ROCK2: variants seen among roughly 807,000 people sequenced by gnomAD.
ROCK2 encodes the protein Rho associated coiled-coil containing protein kinase 2.
A neutral mutation model predicts 195.1 loss-of-function variants in ROCK2; 61 were observed. That is an observed-to-expected ratio of 0.31 (90% CI 0.25 to 0.39). ROCK2 has a LOEUF of 0.39. Ranked by LOEUF, ROCK2 falls within the 10% of genes least tolerant of loss-of-function variation. ROCK2 has a pLI of 1.00. For synonymous variants in ROCK2, 504 were observed against 545.5 expected (o/e 0.92, Z 1.06); for missense variants, 1,109 against 1,637.4 (o/e 0.68, Z 5.57).
chr2:11,266,740 A>T (rs577434165), intron 3 of ROCK2, among the ~76,000 whole-genome samples: 2 of 152,354 alleles, frequency 1.3e-5, no homozygotes, highest in East Asian at 3.9e-4. Context: ...AAGCACCTGC[A>T]CTTCTCCTTT....
chr2:11,296,652 T>TTTACACTTTAACGTCTAAACCTAAAACC (rs1667546839), intron 1 of ROCK2, among the ~76,000 whole-genome samples: 1 of 152,192 alleles, frequency 6.6e-6, no homozygotes, highest in Non-Finnish European at 1.5e-5. Context: ...TTGGAAGGTT[T>TTTACACTTTAACGTCTAAACCTAAAACC]TTACACTTTA....
Position 11,214,892 on chromosome 2 carries a change from T to C in ROCK2, c.1884A>G (p.Glu628=). 1 of 1,613,738 alleles carries C rather than the reference T, an allele frequency of 6.2e-7. No individual in the cohort carries two copies. The highest frequency in any genetic ancestry group is 8.5e-7 in the Non-Finnish European group (1 of 1,179,916). ...KEFINLQSAL[E]SERRDRTHGS... is the part of the protein sequence containing the mutation. ...CATGGGTTCGATCCCTCCTTTCAGATTCTAGAGCTGACTGAAGATTGATAA... is the reference window on the plus strand; with the variant it reads ...CATGGGTTCGATCCCTCCTTTCAGACTCTAGAGCTGACTGAAGATTGATAA... The change falls in exon 16 of 33, where the codon GAA becomes GAG. Residue 628 remains glutamate (E), a synonymous_variant. Coordinates refer to ENST00000315872, the MANE Select transcript of ROCK2 (RefSeq NM_004850.5).
chr2:11,204,770 G>A (rs1347284733), intron 20 of ROCK2, among the ~76,000 whole-genome samples: 1 of 152,162 alleles, frequency 6.6e-6, no homozygotes, highest in African/African-American at 2.4e-5. Context: ...ATTAATGGAA[G>A]CAGTATCTCC....
At position 11,251,973 on chromosome 2, in the gene ROCK2, T is replaced by C. The variant is rs532823240; in HGVS notation, c.325-2175A>G. On this transcript the variant is annotated intron_variant, in intron 3 of 32. Transcript: ENST00000315872. The stretch of plus-strand genomic sequence containing the variant: ...AAAACCAGAATGAGATACCACCTCA[T>C]GCCAGTTAGAATGGCAATCATTAAA... Among the ~76,000 whole-genome samples, 258 of 152,226 alleles carry C rather than the reference T, an allele frequency of 1.7e-3. 1 individual carries two copies. Among genetic ancestry groups the C allele is most frequent in the African/African-American group, 3.5e-3 (147 of 41,550 alleles).
At chr2:11,261,750 A>G (rs1666235074) in intron 3 of ROCK2, among the ~76,000 whole-genome samples, 1 of 152,164 alleles carries the variant, frequency 6.6e-6, no homozygotes. Context: ...CCAGGAACCC[A>G]GGAGACGGAG....
chr2:11,337,951 C>A (rs1362478139), intron 1 of ROCK2, among the ~76,000 whole-genome samples: 1 of 152,068 alleles, frequency 6.6e-6, no homozygotes, highest in Non-Finnish European at 1.5e-5. Flanking sequence ...CCATCAGTTT[C>A]TTAAAAAGTA....
At chr2:11,335,298 G>A (rs75099207) in intron 1 of ROCK2, among the ~76,000 whole-genome samples, 3,099 of 152,140 alleles carry the variant, frequency 0.02, 101 homozygotes, top group African/African-American at 0.07. Flanking sequence ...ATACTTTAAA[G>A]GGGGGCAGGA....
chr2:11,207,259 T>C (rs1664086315), intron 20 of ROCK2, among the ~76,000 whole-genome samples: 1 of 152,184 alleles, frequency 6.6e-6, no homozygotes, highest in Non-Finnish European at 1.5e-5. Context: ...CTATAATATT[T>C]TTAAAGTATT....
At chr2:11,193,279 A>G (rs1442553165) in intron 30 of ROCK2, among the ~76,000 whole-genome samples, 1 of 152,140 alleles carries the variant, frequency 6.6e-6, no homozygotes, top group Non-Finnish European at 1.5e-5. Context: ...CACCAAGCAC[A>G]ACGACTCTTA....
At chr2:11,318,705 G>C (rs1254994123) in intron 1 of ROCK2, among the ~76,000 whole-genome samples, 1 of 152,136 alleles carries the variant, frequency 6.6e-6, no homozygotes, top group African/African-American at 2.4e-5. Context: ...GTATTGCCTA[G>C]GTTTTCTTCT....
At chr2:11,204,304 AC>A (rs1157881191) in intron 20 of ROCK2, among the ~76,000 whole-genome samples, 2 of 151,246 alleles carry the variant, frequency 1.3e-5, no homozygotes, top group Admixed American at 6.6e-5. Flanking sequence ...GGTATAATGA[AC>A]CCCCCATTTC....
At chr2:11,329,038 G>T (rs1668634731) in intron 1 of ROCK2, among the ~76,000 whole-genome samples, 1 of 151,254 alleles carries the variant, frequency 6.6e-6, no homozygotes, top group Non-Finnish European at 1.5e-5. Flanking sequence ...TGCACACTGT[G>T]CACATGTACC....
chr2:11,275,226 C>G (rs1224602975), intron 3 of ROCK2, among the ~76,000 whole-genome samples: 1 of 148,782 alleles, frequency 6.7e-6, no homozygotes, highest in Admixed American at 6.8e-5. Context: ...CATTGCACTC[C>G]AGCCTGGGGG....
upstream of ROCK2, chr2:11,344,647 G>A (rs1297641319): frequency 6.8e-6 from 1 of 147,062 alleles, no homozygotes; most frequent in Admixed American, 6.9e-5. The surrounding 1 kb of genome is among the most constrained non-coding windows in gnomAD (Gnocchi z 5.4). Context: ...CCGGCCGCGC[G>A]CCGCCGCTAC....
At chr2:11,211,632 C>A in intron 18 of ROCK2, 49 bp downstream of exon 18, 4 of 1,469,994 alleles carry the variant, frequency 2.7e-6, no homozygotes, top group East Asian at 2.4e-5. Flanking sequence ...AACACAGAAT[C>A]AATTCTTAGG....
At position 11,216,977 on chromosome 2, in the gene ROCK2, C is replaced by T. The variant is rs187887900; in HGVS notation, c.1412+113G>A. 3,868 of 545,834 alleles carry T rather than the reference C, an allele frequency of 7.1e-3. 150 individuals carry two copies. The highest frequency in any genetic ancestry group is 0.068 in the African/African-American group (3,495 of 51,104). The allele number at this position is 545,834 out of a possible 1,614,324, so 33.8% of individuals were successfully genotyped here. A position where few individuals can be genotyped will look rare whatever the true frequency, so the allele number is the denominator to read the frequency against. ...GACCTCGTGATCCACCCACCTCGGCCTCCCAAAGTGCTGGGATTACAGGTG... is the reference window on the plus strand; with the variant it reads ...GACCTCGTGATCCACCCACCTCGGCTTCCCAAAGTGCTGGGATTACAGGTG... On this transcript the variant is annotated intron_variant, in intron 12 of 32. Transcript: ENST00000315872.
In ROCK2 at chr2:11,180,208, A is replaced by T. The variant is rs1233381399; in HGVS notation, c.*3229T>A. The T allele has an allele frequency of 1.3e-5, 2 of 152,238 alleles. No homozygotes were observed. The highest frequency in any genetic ancestry group is 2.9e-5 in the Non-Finnish European group (2 of 68,048). The allele number at this position is 152,238 out of a possible 1,614,324, so 9.4% of individuals were successfully genotyped here. On this transcript the variant is annotated 3_prime_UTR_variant, in exon 33 of 33. Coordinates refer to ENST00000315872, the MANE Select transcript of ROCK2 (RefSeq NM_004850.5). The stretch of plus-strand genomic sequence containing the variant: ...AAGCATGTTTCAGTAAGGTTAATAT[A>T]GTGTCCGAGTTTCTCTACTTTACCA...
chr2:11,344,971 G>A (rs370537237), upstream of ROCK2, among the ~76,000 whole-genome samples: 44 of 150,748 alleles, frequency 2.9e-4, 1 homozygote, highest in East Asian at 7.0e-3. The surrounding 1 kb of genome is among the most constrained non-coding windows in gnomAD (Gnocchi z 5.4). Flanking sequence ...CCGCGGCCCC[G>A]AGGCGGAACC....
At chr2:11,252,853 T>G (rs544730036) in intron 3 of ROCK2, among the ~76,000 whole-genome samples, 2 of 151,816 alleles carry the variant, frequency 1.3e-5, no homozygotes, top group African/African-American at 4.8e-5. Flanking sequence ...AGATGACAGG[T>G]TGATGGGTGC....
Sources: gnomAD v4.1 joint callset for allele counts (sites outside exome capture counted in the v4.1 genomes callset) on GRCh38, gnomAD v4.1.1 for gene constraint, Gnocchi (gnomAD v3.1) non-coding constraint, MANE v1.5 for transcripts, NCBI Gene and HGNC (gene_info 2026-07-23, HGNC 2026-07-21) for gene names.